PLCB4: variants seen among roughly 807,000 people sequenced by gnomAD.
The protein encoded by PLCB4 is 1-phosphatidylinositol 4,5-bisphosphate phosphodiesterase beta-4.
A neutral mutation model predicts 178.8 loss-of-function variants in PLCB4; 77 were observed. That is an observed-to-expected ratio of 0.43 (90% confidence interval 0.36 to 0.52). The LOEUF (loss-of-function observed/expected upper bound fraction) is 0.52. PLCB4 is among the 20% of genes least tolerant of loss of function. The pLI, the probability that PLCB4 is intolerant of heterozygous loss-of-function variation, is 0.00. For synonymous variants in PLCB4, 496 were observed against 490.8 expected, an observed-to-expected ratio of 1.01 and a Z score of -0.14; for missense variants, 1,024 against 1,453.4, an observed-to-expected ratio of 0.70 and a Z score of 4.80.
chr20:9,430,576 A>C (rs866157111), intron 28 of PLCB4, among the ~76,000 whole-genome samples: 1 of 152,226 alleles, frequency 6.6e-6, no homozygotes, highest in Non-Finnish European at 1.5e-5. Context: ...TAATATTGGT[A>C]ATTCAAGATA....
intron 34 of PLCB4, 25 bp from the exon 35 acceptor site, chr20:9,459,610 G>T: frequency 6.4e-7 from 1 of 1,570,554 alleles, no homozygotes; most frequent in Non-Finnish European, 8.7e-7. Flanking sequence ...GATTACAATG[G>T]CACCGTCCCC....
At chr20:9,440,234 A>C (rs1340160578) in intron 30 of PLCB4, among the ~76,000 whole-genome samples, 2 of 152,258 alleles carry the variant, frequency 1.3e-5, no homozygotes, top group Non-Finnish European at 2.9e-5. Flanking sequence ...CGAACATCAT[A>C]GCTTAGCTTA....
chr20:9,153,456 G>A (rs2092726037), intron 2 of PLCB4, among the ~76,000 whole-genome samples: 1 of 152,082 alleles, frequency 6.6e-6, no homozygotes, highest in Admixed American at 6.6e-5. Flanking sequence ...GTTTATCAGG[G>A]GTTCCCACTC....
intron 38 of PLCB4, among the ~76,000 whole-genome samples, chr20:9,474,105 T>C (rs1387711493): frequency 6.6e-6 from 1 of 151,776 alleles, no homozygotes; most frequent in Admixed American, 6.6e-5. Context: ...TAGTCCCAGC[T>C]ACTCAGTTGG....
intron 14 of PLCB4, among the ~76,000 whole-genome samples, chr20:9,385,592 G>A (rs2037545756): frequency 1.4e-5 from 2 of 143,356 alleles, no homozygotes; most frequent in South Asian, 2.3e-4. Flanking sequence ...GGGGCGGCTG[G>A]CAGAGGCGCT....
intron 28 of PLCB4, among the ~76,000 whole-genome samples, chr20:9,432,728 C>A (rs1161797756): frequency 6.6e-6 from 1 of 152,216 alleles, no homozygotes; most frequent in Non-Finnish European, 1.5e-5. Flanking sequence ...CACTTCATGG[C>A]ATCCTGATGA....
intron 3 of PLCB4, among the ~76,000 whole-genome samples, chr20:9,229,751 C>T (rs981290775): frequency 6.6e-5 from 10 of 152,064 alleles, no homozygotes; most frequent in African/African-American, 2.2e-4. Context: ...AGGTCTGTTA[C>T]ATAGGTAAAC....
intron 15 of PLCB4, among the ~76,000 whole-genome samples, chr20:9,387,984 A>G (rs984850606): frequency 7.9e-5 from 12 of 152,240 alleles, no homozygotes; most frequent in Admixed American, 2.6e-4. Context: ...CACGCCTGTA[A>G]TCCCAGCACT....
At chr20:9,351,672 T>C (rs2034359769) in intron 7 of PLCB4, among the ~76,000 whole-genome samples, 1 of 152,152 alleles carries the variant, frequency 6.6e-6, no homozygotes, top group Non-Finnish European at 1.5e-5. Context: ...TTAGTAGCTC[T>C]TATATTGAAA....
chr20:9,407,518 C>T (rs1428858638), intron 21 of PLCB4, among the ~76,000 whole-genome samples: 2 of 151,966 alleles, frequency 1.3e-5, no homozygotes, highest in African/African-American at 4.8e-5. Context: ...TACAGGCTCA[C>T]GCCACCACAC....
intron 3 of PLCB4, among the ~76,000 whole-genome samples, chr20:9,243,277 G>A (rs2094087064): frequency 6.6e-6 from 1 of 152,210 alleles, no homozygotes; most frequent in Non-Finnish European, 1.5e-5. Context: ...TACAGCACTG[G>A]TGGGATTAAT....
chr20:9,184,439 G>A (rs1441071339), intron 2 of PLCB4, among the ~76,000 whole-genome samples: 1 of 152,044 alleles, frequency 6.6e-6, no homozygotes, highest in Admixed American at 6.6e-5. Flanking sequence ...GTGTCGTGAT[G>A]TCATTGCAGG....
intron 3 of PLCB4, among the ~76,000 whole-genome samples, chr20:9,306,178 C>A (rs1020531156): frequency 4.6e-5 from 7 of 152,152 alleles, no homozygotes; most frequent in African/African-American, 1.7e-4. Flanking sequence ...AATCTTTGTT[C>A]ACTGCAATCC....
At chr20:9,142,305 TA>T (rs1487977154) in intron 2 of PLCB4, among the ~76,000 whole-genome samples, 1 of 151,910 alleles carries the variant, frequency 6.6e-6, no homozygotes, top group Non-Finnish European at 1.5e-5. Context: ...AAGGAAGAAA[TA>T]AAGGGATCTT....
At chr20:9,207,761 C>T (rs1470210762) in intron 2 of PLCB4, among the ~76,000 whole-genome samples, 1 of 152,130 alleles carries the variant, frequency 6.6e-6, no homozygotes, top group Non-Finnish European at 1.5e-5. Flanking sequence ...GCTGTGTTTT[C>T]ATTGTTTCAT....
chr20:9,194,040 A>G (rs2093437829), intron 2 of PLCB4, among the ~76,000 whole-genome samples: 1 of 152,224 alleles, frequency 6.6e-6, no homozygotes. Flanking sequence ...CACTCTTTTT[A>G]TACACATTCA....
intron 2 of PLCB4, among the ~76,000 whole-genome samples, chr20:9,201,163 T>C (rs1418598155): frequency 6.6e-6 from 1 of 152,208 alleles, no homozygotes; most frequent in African/African-American, 2.4e-5. Flanking sequence ...AATCAGATCA[T>C]TATTATGCAA....
intron 2 of PLCB4, among the ~76,000 whole-genome samples, chr20:9,182,741 C>G (rs950198800): frequency 1.2e-4 from 19 of 152,172 alleles, no homozygotes; most frequent in African/African-American, 4.1e-4. Flanking sequence ...GTGCTGAAAC[C>G]TTGGCCCTCT....
At chr20:9,348,152 G>A (rs1340818620) in intron 7 of PLCB4, among the ~76,000 whole-genome samples, 1 of 152,192 alleles carries the variant, frequency 6.6e-6, no homozygotes. Flanking sequence ...CAGCTACTAG[G>A]ATAGGAGGCT....
Sources: gnomAD v4.1 joint callset for allele counts (sites outside exome capture counted in the v4.1 genomes callset) on GRCh38, gnomAD v4.1.1 for gene constraint, MANE v1.5 for transcripts, NCBI Gene and HGNC (gene_info 2026-07-23, HGNC 2026-07-21) for gene names.